PLOD3: variants seen among roughly 807,000 people sequenced by gnomAD.
PLOD3 encodes the protein multifunctional procollagen lysine hydroxylase and glycosyltransferase LH3.
In PLOD3, 73 loss-of-function variants were observed where a neutral mutation model predicts 96.9. The observed-to-expected ratio is 0.75, with a 90% CI of 0.62 to 0.92. The LOEUF (loss-of-function observed/expected upper bound fraction) is 0.92. PLOD3 is among the 40% of genes least tolerant of loss of function. PLOD3 has a pLI of 0.00. For synonymous variants in PLOD3, 454 were observed against 413.7 expected (o/e 1.10, Z -1.18); for missense variants, 1,004 against 1,004.3 (o/e 1.00, Z 0.00).
chr7:101,207,498 G>A (rs1024483547), intron 17 of PLOD3, 80 bp downstream of exon 17: 8 of 1,465,718 alleles, frequency 5.5e-6, no homozygotes, highest in African/African-American at 2.8e-5. Context: ...TGCCGGGGCC[G>A]AAAGGGGTCT....
At position 101,212,408 on chromosome 7, in the gene PLOD3, AG is replaced by A. The variant is rs754894266; in HGVS notation, c.1006-35del. ...GGAAGACATAGGGGGATGGGCTCAG[AG>A]GGCAGGGAGGCGGCACCTGAGGGAT... On this transcript the variant is annotated intron_variant, in intron 9 of 18. Transcript: ENST00000223127. 229 of 1,599,986 alleles carry A rather than the reference AG, an allele frequency of 1.4e-4. No homozygotes were observed. The African/African-American group carries it at 2.7e-3, about 19-fold the overall frequency.
intron 17 of PLOD3, among the ~76,000 whole-genome samples, chr7:101,207,271 C>T (rs548358325): frequency 3.3e-5 from 5 of 152,036 alleles, no homozygotes; most frequent in South Asian, 2.1e-4. Flanking sequence ...CCACCACGCC[C>T]GGCCATCGCA....
rs764469361 is a variant in PLOD3, at chr7:101,207,595, G to C, written c.1918C>G (p.Pro640Ala). 1 of 1,614,072 alleles carries C rather than the reference G, an allele frequency of 6.2e-7. No homozygotes were observed. Among genetic ancestry groups the C allele is most frequent in the Non-Finnish European group, 8.5e-7 (1 of 1,179,960 alleles). The change falls in exon 17 of 19, where the codon CCC becomes GCC. Residue 640 changes from proline to alanine, a missense_variant. By Grantham distance (27) the Pro-to-Ala change is conservative (BLOSUM62 -1). Transcript: ENST00000223127. ...YVGPMTESLF[P>A]GYHTKARAVM... ...CAGCGCACCTTGGTGTGGTAACCGGGAAACAGGCTCTCGGTCATGGGGCCC... is the reference window on the plus strand; with the variant it reads ...CAGCGCACCTTGGTGTGGTAACCGGCAAACAGGCTCTCGGTCATGGGGCCC...
chr7:101,206,803 G>T lies in PLOD3; in HGVS notation c.2037C>A (p.Leu679=). 6.3e-7 allele frequency: 1 copy of T among 1,583,712 alleles called. No homozygotes were observed. The highest frequency in any genetic ancestry group is 1.8e-5 in the Admixed American group (1 of 55,242). ...CCTCATAGTCCAGGCCCTTGTGGTT[G>T]AGGGCAACGTTGAGGGTGAAGGTGG... ...DSSTFTLNVA[L]NHKGLDYEGG... is the part of the protein sequence containing the mutation. Residue 679 remains leucine (L), a synonymous_variant, in exon 18 of 19, where the codon CTC becomes CTA. Transcript: ENST00000223127.
rs201711445 is a variant in PLOD3 at position 101,210,638 on chromosome 7, T to C, written c.1394A>G (p.Tyr465Cys). 34 of 1,614,124 alleles carry C rather than the reference T, an allele frequency of 2.1e-5. No homozygotes were observed. In the East Asian group the frequency reaches 2.7e-4, roughly 13 times the overall value. The stretch of plus-strand genomic sequence containing the variant: ...CCGCAGGGTATCACCCCGGATCACA[T>C]AGGCCTGGGAGATGTATGGTACATT... ...VWNVPYISQAYVIRGDTLRME... is the reference protein window; with the variant it reads ...VWNVPYISQACVIRGDTLRME... The change falls in exon 13 of 19, where the codon TAT (tyrosine) becomes TGT (cysteine). Residue 465 changes from tyrosine to cysteine, a missense_variant. This residue lies in a region of PLOD3 where 690 missense variants were observed against 650.2 expected (regional missense o/e 1.06). Transcript: ENST00000223127.
intron 16 of PLOD3, among the ~76,000 whole-genome samples, chr7:101,208,104 T>C (rs572521649): frequency 6.6e-6 from 1 of 152,272 alleles, no homozygotes; most frequent in Admixed American, 6.5e-5. Flanking sequence ...GATTTCCTTT[T>C]CTCTTTTTTT....
intron 6 of PLOD3, chr7:101,213,505 T>C: frequency 7.8e-6 from 3 of 382,252 alleles, no homozygotes; most frequent in Non-Finnish European, 1.4e-5. Context: ...TCTCTCTCCT[T>C]GTTTTTTTTT....
At position 101,213,355 on chromosome 7, in the gene PLOD3, G is replaced by C. The variant is rs977589297; in HGVS notation, c.680-151C>G. 5.7e-5 allele frequency: 40 copies of C among 699,158 alleles called. No individual in the cohort carries two copies. The African/African-American group carries it at 6.9e-4, about 12-fold the overall frequency. The allele number at this position is 699,158 out of a possible 1,614,324, so 43.3% of individuals were successfully genotyped here. A position where few individuals can be genotyped will look rare whatever the true frequency, so the allele number is the denominator to read the frequency against. ...TGGCTCGTTGTGGGCAGGAACCTTT[G>C]GGTTCTGACCAGGCTGCTGGCCCAG... On this transcript the variant is annotated intron_variant, in intron 6 of 18. Coordinates refer to ENST00000223127, the MANE Select transcript of PLOD3 (RefSeq NM_001084.5).
In PLOD3 at chr7:101,210,600, G is replaced by C. The variant is rs769095247; in HGVS notation, c.1432C>G (p.Gln478Glu). Residue 478 changes from glutamine to glutamate, a missense_variant, in exon 13 of 19, where the codon CAG (glutamine) becomes GAG (glutamate). Physicochemically the swap from Gln to Glu is conservative, Grantham distance 29. Transcript: ENST00000223127. ...TCACTGCCCGAGAACACATCCCTCT[G>C]GGGCAGCTCCATCCGCAGGGTATCA... is the stretch of plus-strand genomic sequence containing the variant. ...RGDTLRMELP[Q>E]RDVFSGSDTD... The C allele has an allele frequency of 6.2e-7, 1 of 1,614,148 alleles. No individual in the cohort carries two copies.
At chr7:101,212,075 C>G in intron 10 of PLOD3, 125 bp from the exon 11 acceptor site, 1 of 1,048,068 alleles carries the variant, frequency 9.5e-7, no homozygotes, top group Non-Finnish European at 1.4e-6. Flanking sequence ...AGGCTCTCTG[C>G]TGTCTGGGTG....
chr7:101,209,519 A>G (rs1160354391), intron 15 of PLOD3, among the ~76,000 whole-genome samples: 1 of 149,162 alleles, frequency 6.7e-6, no homozygotes, highest in Non-Finnish European at 1.5e-5. Flanking sequence ...CTGGGACTAC[A>G]GGTGCACGCC....
rs1024205956 is a variant in PLOD3 at position 101,216,678 on chromosome 7, C to T, written c.201+17G>A. On this transcript the variant is annotated intron_variant, in intron 2 of 18. Coordinates refer to ENST00000223127, the MANE Select transcript of PLOD3 (RefSeq NM_001084.5). ...TCCTGCTGGGACCCCCTCCCAGGGG[C>T]CTTTCCCTCTCCTCACCCGCACAGT... 3.1e-6 allele frequency: 5 copies of T among 1,610,344 alleles called. No homozygotes were observed. Among genetic ancestry groups the T allele is most frequent in the Admixed American group, 1.7e-5 (1 of 59,990 alleles).
At position 101,206,384 on chromosome 7, in the gene PLOD3, T is replaced by C. The variant is rs1584249119; in HGVS notation, c.2114A>G (p.Lys705Arg). 1 of 1,613,530 alleles carries C rather than the reference T, an allele frequency of 6.2e-7. No homozygotes were observed. The highest frequency in any genetic ancestry group is 8.5e-7 in the Non-Finnish European group (1 of 1,179,680). The stretch of plus-strand genomic sequence containing the variant: ...GCCGGGGTGCAGGAGTGCCCAGCCC[T>C]TCCTCGGGGAGGAGATCACACAGTC... ...RYDCVISSPR[K>R]GWALLHPGRL... The change falls in exon 19 of 19, where the codon AAG (lysine) becomes AGG (arginine). Residue 705 changes from lysine (K) to arginine (R), a missense_variant. Physicochemically the swap from Lys to Arg is conservative, Grantham distance 26. This residue lies in a region of PLOD3 where 222 missense variants were observed against 220.4 expected (regional missense o/e 1.01). Coordinates refer to ENST00000223127, the MANE Select transcript of PLOD3 (RefSeq NM_001084.5).
At position 101,215,986 on chromosome 7, in the gene PLOD3, G is replaced by T. The variant is rs567326334; in HGVS notation, c.537C>A (p.Ile179=). The change falls in exon 5 of 19, where the codon ATC becomes ATA. Residue 179 remains isoleucine (I), a synonymous_variant. Transcript: ENST00000223127. ...FIGFATTIHQ[I]VRQWKYKDDD... Reference sequence around the variant, plus strand: ...CATCCTTGTACTTCCACTGGCGCACGATTTGGTGGATGGTGGTGGCAAAAC... The same window carrying T: ...CATCCTTGTACTTCCACTGGCGCACTATTTGGTGGATGGTGGTGGCAAAAC... 81 of 1,614,000 alleles carry T rather than the reference G, an allele frequency of 5.0e-5. No individual in the cohort carries two copies. The highest frequency in any genetic ancestry group is 6.8e-5 in the Non-Finnish European group (80 of 1,180,008).
chr7:101,213,004 G>C, intron 7 of PLOD3, 61 bp from the exon 8 acceptor site: 2 of 1,363,214 alleles, frequency 1.5e-6, no homozygotes, highest in Non-Finnish European at 2.1e-6. Flanking sequence ...TGGGGGTCAG[G>C]CACCTCTGAT....
At chr7:101,212,018 T>C (rs1798191622) in intron 10 of PLOD3, 68 bp from the exon 11 acceptor site, 1 of 1,150,958 alleles carries the variant, frequency 8.7e-7, no homozygotes, top group Non-Finnish European at 1.3e-6. Flanking sequence ...AACTGGCCCA[T>C]GCCCCCAGGA....
chr7:101,211,629 G>C lies in PLOD3; in HGVS notation c.1320C>G (p.Arg440=). 6.2e-7 allele frequency: 1 copy of C among 1,606,502 alleles called. No homozygotes were observed. Among genetic ancestry groups the C allele is most frequent in the Non-Finnish European group, 8.5e-7 (1 of 1,177,262 alleles). Residue 440 remains arginine (R), a synonymous_variant, in exon 12 of 19, where the codon CGC becomes CGG. Coordinates refer to ENST00000223127, the MANE Select transcript of PLOD3 (RefSeq NM_001084.5). The part of the protein sequence containing the change: ...GALSPDEYYA[R]SEDYVELVQR... ...GCACCAGCTCCACGTAGTCCTCGGA[G>C]CGGGCGTAGTACTCATCGGGGCTCA...
In PLOD3 at chr7:101,210,366, G is replaced by C; in HGVS notation, c.1579C>G (p.His527Asp). Reference sequence around the variant, plus strand: ...TCGAAGATCTGCCAGAGGTCGGGGTGCAGGTGCTCCGTGTCGTATCTGGAA... The same window carrying C: ...TCGAAGATCTGCCAGAGGTCGGGGTCCAGGTGCTCCGTGTCGTATCTGGAA... Reference protein sequence around the residue: ...ATSRYDTEHLHPDLWQIFDNP... With the variant: ...ATSRYDTEHLDPDLWQIFDNP... The change falls in exon 14 of 19, where the codon CAC (histidine) becomes GAC (aspartate). Residue 527 changes from histidine (H) to aspartate (D), a missense_variant. Around this residue, in one of 5 missense-constraint regions of PLOD3, gnomAD observed 65 missense variants for 68.8 expected, o/e 0.94. Transcript: ENST00000223127. The C allele has an allele frequency of 1.2e-6, 2 of 1,614,194 alleles. No homozygotes were observed. Among genetic ancestry groups the C allele is most frequent in the Middle Eastern group, 1.6e-4 (1 of 6,062 alleles).
At chr7:101,210,046 G>C (rs746452822) in intron 15 of PLOD3, 47 bp downstream of exon 15, 57 of 1,171,756 alleles carry the variant, frequency 4.9e-5, no homozygotes, top group Non-Finnish European at 6.6e-5. Flanking sequence ...CCCAAGAGGC[G>C]ATGGCCATGA....
Sources: gnomAD v4.1 joint callset for allele counts (sites outside exome capture counted in the v4.1 genomes callset) on GRCh38, gnomAD v4.1.1 for gene constraint, gnomAD v4.1.1 regional missense constraint, MANE v1.5 for transcripts, NCBI Gene and HGNC (gene_info 2026-07-23, HGNC 2026-07-21) for gene names.